Variants in ATP13A5 observed in about 807,000 individuals in gnomAD.
The protein encoded by ATP13A5 is ATPase 13A5.
In ATP13A5, 149 loss-of-function variants were observed where a neutral mutation model predicts 150.2. The observed-to-expected ratio is 0.99, with a 90% CI of 0.87 to 1.14. The LOEUF (loss-of-function observed/expected upper bound fraction) is 1.14, where lower values mean the gene tolerates loss of function less well. ATP13A5 is among the 50% of genes most tolerant of loss of function. The probability of loss-of-function intolerance (pLI) is 0.00; values close to 1 mark genes in which losing one functional copy is unlikely to be tolerated. For missense variants in ATP13A5, 1,383 were observed against 1,449.3 expected (o/e 0.95, Z 0.74); for synonymous variants, 497 against 522.2 (o/e 0.95, Z 0.66).
At chr3:193,303,674 C>A (rs1170499188) in intron 23 of ATP13A5, among the ~76,000 whole-genome samples, 1 of 151,972 alleles carries the variant, frequency 6.6e-6, no homozygotes, top group Non-Finnish European at 1.5e-5. Flanking sequence ...CGTGAGGTAG[C>A]AGCACGTGAT....
Position 193,335,102 on chromosome 3 carries a change from A to G in ATP13A5, c.944-3T>C. On this transcript the variant is annotated splice_polypyrimidine_tract_variant and splice_region_variant and intron_variant, in intron 9 of 29. Transcript: ENST00000342358. ...CTTTGTAACAGGTATACTTTCTCCT[A>G]AAGAGGATTGTATTTTGTTGAATCT... 1 of 1,613,306 alleles carries G rather than the reference A, an allele frequency of 6.2e-7. No individual in the cohort carries two copies. Among genetic ancestry groups the G allele is most frequent in the Non-Finnish European group, 8.5e-7 (1 of 1,179,402 alleles).
At chr3:193,369,617 A>AGG (rs975895349) in intron 1 of ATP13A5, among the ~76,000 whole-genome samples, 1 of 16,430 alleles carries the variant, frequency 6.1e-5, no homozygotes, top group Non-Finnish European at 1.5e-4. Context: ...GAGAGCCAGG[A>AGG]ACATGTTTGT....
At chr3:193,335,225 A>G in intron 9 of ATP13A5, 126 bp from the exon 10 acceptor site, 1 of 791,168 alleles carries the variant, frequency 1.3e-6, no homozygotes, top group South Asian at 1.8e-5. Context: ...CCCATGAGTC[A>G]GATGACTGTT....
In ATP13A5 at chr3:193,335,471, G is replaced by A. The variant is rs554564281; in HGVS notation, c.944-372C>T. The stretch of plus-strand genomic sequence containing the variant: ...GTGAATAGTAATTACTATTTGCTTT[G>A]CATTCACTCATTTATTCATTTGTTT... On this transcript the variant is annotated intron_variant, in intron 9 of 29. Transcript: ENST00000342358. Among the ~76,000 whole-genome samples, 133 of 152,228 alleles carry A rather than the reference G, an allele frequency of 8.7e-4. 1 individual carries two copies. The highest frequency in any genetic ancestry group is 6.9e-3 in the South Asian group (33 of 4,814).
At chr3:193,349,781 A>T (rs938063926) in intron 7 of ATP13A5, among the ~76,000 whole-genome samples, 2 of 152,002 alleles carry the variant, frequency 1.3e-5, no homozygotes, top group African/African-American at 2.4e-5. Flanking sequence ...GGAAATAAAC[A>T]CTCTTGTGTG....
chr3:193,316,227 G>A (rs557860937), intron 17 of ATP13A5, among the ~76,000 whole-genome samples: 3 of 152,076 alleles, frequency 2.0e-5, no homozygotes, highest in South Asian at 2.1e-4. Flanking sequence ...CATTTAGGTT[G>A]TTTCCATATC....
intron 22 of ATP13A5, among the ~76,000 whole-genome samples, chr3:193,305,987 C>A (rs1718600766): frequency 6.6e-6 from 1 of 151,930 alleles, no homozygotes. Context: ...TTCAAAAACT[C>A]AATTAAAAAG....
At chr3:193,366,403 G>C (rs1358206519) in intron 1 of ATP13A5, among the ~76,000 whole-genome samples, 5 of 151,988 alleles carry the variant, frequency 3.3e-5, no homozygotes, top group African/African-American at 1.2e-4. Flanking sequence ...AAAAGAAGGG[G>C]AAAGTATACT....
At chr3:193,307,672 A>G (rs557795744) in intron 21 of ATP13A5, among the ~76,000 whole-genome samples, 1 of 152,262 alleles carries the variant, frequency 6.6e-6, no homozygotes. Context: ...ACCAAGGCCA[A>G]GCTTAAGAGT....
chr3:193,374,306 A>AGC (rs1449131111), intron 1 of ATP13A5, among the ~76,000 whole-genome samples: 1 of 124,234 alleles, frequency 8.0e-6, no homozygotes, highest in Non-Finnish European at 1.7e-5. Context: ...ACACACAGAG[A>AGC]GAGAGAGAGG....
chr3:193,315,642 T>C (rs1006003768), intron 17 of ATP13A5, among the ~76,000 whole-genome samples: 1 of 152,184 alleles, frequency 6.6e-6, no homozygotes, highest in Admixed American at 6.5e-5. Context: ...GCATTAGTTA[T>C]GTAGGAACGT....
chr3:193,331,777 C>G (rs1041539423), intron 11 of ATP13A5, among the ~76,000 whole-genome samples: 4 of 152,162 alleles, frequency 2.6e-5, no homozygotes, highest in Non-Finnish European at 5.9e-5. Context: ...AACTCTGGAG[C>G]AGGAACTGTA....
Position 193,364,183 on chromosome 3 carries a change from C to A in ATP13A5, c.161G>T (p.Arg54Ile), listed in dbSNP as rs751424733. The change falls in exon 2 of 30, where the codon AGA (arginine) becomes ATA (isoleucine). Residue 54 changes from arginine to isoleucine, a missense_variant. By Grantham distance (97) the Arg-to-Ile change is moderately conservative (BLOSUM62 -3). Transcript: ENST00000342358. ...GTTGGCCCACACTCTCCACTGGGGT[C>A]TCCAGTAGAACACCAGCAGAAGGCC... ...CGGLLLVFYW[R>I]PQWRVWANCI... The A allele has an allele frequency of 3.7e-6, 6 of 1,614,116 alleles. No individual in the cohort carries two copies. The highest frequency in any genetic ancestry group is 5.1e-6 in the Non-Finnish European group (6 of 1,179,988).
intron 6 of ATP13A5, among the ~76,000 whole-genome samples, chr3:193,353,342 AG>A (rs35816513): frequency 6.6e-6 from 1 of 152,180 alleles, no homozygotes; most frequent in Non-Finnish European, 1.5e-5. Flanking sequence ...CAAGCACACA[AG>A]GAAAATATTT....
intron 5 of ATP13A5, among the ~76,000 whole-genome samples, chr3:193,354,580 T>C (rs575676635): frequency 6.6e-6 from 1 of 151,812 alleles, no homozygotes; most frequent in East Asian, 1.9e-4. Flanking sequence ...CTAGAAGTCA[T>C]ATCTATCTTA....
intron 5 of ATP13A5, among the ~76,000 whole-genome samples, chr3:193,357,723 G>A (rs1174354450): frequency 1.3e-5 from 2 of 152,174 alleles, no homozygotes; most frequent in East Asian, 3.9e-4. Context: ...CTATGCATTA[G>A]AAGAAGAGTT....
intron 29 of ATP13A5, among the ~76,000 whole-genome samples, 173 bp from the exon 30 acceptor site, chr3:193,275,475 G>C (rs945918888): frequency 1.3e-5 from 2 of 152,146 alleles, no homozygotes; most frequent in African/African-American, 2.4e-5. Flanking sequence ...AGAAGCTAGA[G>C]GGTGCTTGTT....
At chr3:193,281,111 ATC>A (rs1560111328) in intron 27 of ATP13A5, 1 of 843,790 alleles carries the variant, frequency 1.2e-6, no homozygotes. Context: ...TAGGAATTGC[ATC>A]TCTCAGGATA....
At chr3:193,310,449 T>G (rs1718797488) in intron 21 of ATP13A5, among the ~76,000 whole-genome samples, 189 bp downstream of exon 21, 1 of 152,228 alleles carries the variant, frequency 6.6e-6, no homozygotes, top group Non-Finnish European at 1.5e-5. Flanking sequence ...GTCATACTGC[T>G]TTCTACAATG....
Sources: allele counts gnomAD v4.1 joint callset (sites outside exome capture counted in the v4.1 genomes callset), GRCh38; gene constraint gnomAD v4.1.1; transcripts MANE v1.5; gene names NCBI Gene and HGNC (gene_info 2026-07-23, HGNC 2026-07-21).